Variants in GPC6 observed in about 807,000 individuals in gnomAD.
The protein encoded by GPC6 is glypican-6.
Under a neutral mutation model 55.2 loss-of-function variants are expected in GPC6, and 14 were observed. The ratio of observed to expected loss-of-function variants is 0.25; its 90% confidence interval spans 0.17 to 0.40. The LOEUF (loss-of-function observed/expected upper bound fraction) is 0.40, where lower values mean the gene tolerates loss of function less well. GPC6 is among the 10% of genes least tolerant of loss of function. GPC6 has a pLI of 1.00. For missense variants in GPC6, 641 were observed against 708.5 expected (o/e 0.90, Z 1.08); for synonymous variants, 278 against 259.6 (o/e 1.07, Z -0.68).
Position 94,159,527 on chromosome 13 carries a change from C to T in GPC6, c.878-126822C>T, listed in dbSNP as rs530921903. ...GAGACTTAATTTACTACCACGAGAACGGTTTGGAGGAAACTGCCCTCATGA... is the reference window on the plus strand; with the variant it reads ...GAGACTTAATTTACTACCACGAGAATGGTTTGGAGGAAACTGCCCTCATGA... On this transcript the variant is annotated intron_variant, in intron 4 of 8. Transcript: ENST00000377047. Among the ~76,000 whole-genome samples the T allele has an allele frequency of 2.6e-5, 4 of 152,148 alleles. No homozygotes were observed. The South Asian group carries it at 6.2e-4, about 24-fold the overall frequency.
At chr13:93,857,049 A>G (rs1042339596) in intron 3 of GPC6, among the ~76,000 whole-genome samples, 4 of 151,678 alleles carry the variant, frequency 2.6e-5, no homozygotes, top group Non-Finnish European at 5.9e-5. Flanking sequence ...TTACAGCCAC[A>G]TATCACTTAT....
intron 4 of GPC6, among the ~76,000 whole-genome samples, chr13:94,159,528 G>A (rs72645973): frequency 0.2 from 30,363 of 151,866 alleles, 3,270 homozygotes; most frequent in South Asian, 0.27. Flanking sequence ...CCACGAGAAC[G>A]GTTTGGAGGA....
intron 1 of GPC6, among the ~76,000 whole-genome samples, chr13:93,342,674 T>C (rs1880300107): frequency 6.6e-6 from 1 of 152,116 alleles, no homozygotes; most frequent in Non-Finnish European, 1.5e-5. Flanking sequence ...AGTATAGTGA[T>C]AACAGTCGTG....
At chr13:93,223,555 T>C (rs9556271), upstream of GPC6, among the ~76,000 whole-genome samples, 29,250 of 152,048 alleles carry the variant, frequency 0.19, 2,911 homozygotes, top group East Asian at 0.31. Flanking sequence ...AGGATTCTCC[T>C]GCTTTAGCCT....
Position 94,058,597 on chromosome 13 carries a change from T to C in GPC6, c.877+30703T>C, listed in dbSNP as rs548215630. 2.0e-4 allele frequency among the ~76,000 whole-genome samples: 30 copies of C among 152,250 alleles called. 1 individual carries two copies. In the South Asian group the frequency reaches 6.2e-3, roughly 32 times the overall value. On this transcript the variant is annotated intron_variant, in intron 4 of 8. Transcript: ENST00000377047. Reference sequence around the variant, plus strand: ...TGGACGAACTACATTTACTAGCAAATAGGAATAAAACCATCAAAGCCTGTT... The same window carrying C: ...TGGACGAACTACATTTACTAGCAAACAGGAATAAAACCATCAAAGCCTGTT...
At chr13:94,393,736 G>A (rs970407118) in intron 7 of GPC6, among the ~76,000 whole-genome samples, 6 of 152,048 alleles carry the variant, frequency 3.9e-5, no homozygotes, top group Admixed American at 2.0e-4. Context: ...TTCCTTGCTA[G>A]TGCCTCACTT....
chr13:94,066,358 G>T (rs1483285080), intron 4 of GPC6, among the ~76,000 whole-genome samples: 3 of 151,906 alleles, frequency 2.0e-5, no homozygotes, highest in Non-Finnish European at 2.9e-5. Context: ...TTTCATGATT[G>T]TTCTACTTTC....
chr13:93,867,374 T>C (rs1888999194), intron 3 of GPC6, among the ~76,000 whole-genome samples: 1 of 151,758 alleles, frequency 6.6e-6, no homozygotes, highest in Non-Finnish European at 1.5e-5. Flanking sequence ...GAGTTGGACG[T>C]TGGACTTTGC....
chr13:93,935,297 A>G (rs566515134), intron 3 of GPC6, among the ~76,000 whole-genome samples: 24 of 152,208 alleles, frequency 1.6e-4, no homozygotes, highest in African/African-American at 5.8e-4. Context: ...CCCATTGTCT[A>G]TTATTTCCAT....
chr13:94,120,177 C>T (rs1024621648), intron 4 of GPC6, among the ~76,000 whole-genome samples: 3 of 152,042 alleles, frequency 2.0e-5, no homozygotes, highest in Non-Finnish European at 2.9e-5. Context: ...CACTGGATTT[C>T]CTCGGAGTGA....
At chr13:93,922,705 G>A (rs940261104) in intron 3 of GPC6, among the ~76,000 whole-genome samples, 1 of 152,116 alleles carries the variant, frequency 6.6e-6, no homozygotes, top group Non-Finnish European at 1.5e-5. Context: ...TATAATTTTT[G>A]TAAAGCTGTG....
At chr13:93,632,547 C>CTG in intron 2 of GPC6, among the ~76,000 whole-genome samples, 4 of 125,536 alleles carry the variant, frequency 3.2e-5, no homozygotes, top group Non-Finnish European at 3.7e-5. Context: ...TATGTTGAGA[C>CTG]CACTGCACTC....
chr13:93,765,308 T>TTCAAGATAAGCTGTCTGGAAAG, intron 2 of GPC6, among the ~76,000 whole-genome samples: 1 of 148,686 alleles, frequency 6.7e-6, no homozygotes, highest in Non-Finnish European at 1.5e-5. Context: ...AAAGACAACT[T>TTCAAGATAAGCTGTCTGGAAAG]ATTTGGTTTA....
intron 2 of GPC6, among the ~76,000 whole-genome samples, chr13:93,669,080 A>G (rs1247761754): frequency 6.6e-6 from 1 of 152,202 alleles, no homozygotes; most frequent in Non-Finnish European, 1.5e-5. Flanking sequence ...TGCCTGAACA[A>G]TCACCATTTT....
intron 1 of GPC6, among the ~76,000 whole-genome samples, chr13:93,292,204 G>A (rs1878340830): frequency 1.3e-5 from 2 of 152,140 alleles, no homozygotes; most frequent in African/African-American, 2.4e-5. Flanking sequence ...ATTTTATGAA[G>A]AGGGTGGAAA....
At chr13:93,938,342 A>C (rs574172020) in intron 3 of GPC6, among the ~76,000 whole-genome samples, 1 of 152,304 alleles carries the variant, frequency 6.6e-6, no homozygotes, top group East Asian at 1.9e-4. Context: ...TTTGATTTCA[A>C]TTTAATTTGA....
chr13:93,312,034 C>T (rs577164670), intron 1 of GPC6, among the ~76,000 whole-genome samples: 23 of 152,140 alleles, frequency 1.5e-4, no homozygotes, highest in Admixed American at 5.9e-4. Context: ...ATAAACAACT[C>T]ATTAGGAAAG....
chr13:94,347,682 TACTC>T (rs1878358490), intron 6 of GPC6, among the ~76,000 whole-genome samples: 1 of 152,258 alleles, frequency 6.6e-6, no homozygotes, highest in African/African-American at 2.4e-5. Context: ...TTGTTTTCCT[TACTC>T]ACTATGATTT....
At chr13:93,501,070 A>G (rs1594216727) in intron 1 of GPC6, among the ~76,000 whole-genome samples, 2 of 152,244 alleles carry the variant, frequency 1.3e-5, no homozygotes, top group African/African-American at 4.8e-5. Context: ...AATATTTGTA[A>G]ATTTTCCACC....
Sources: gnomAD v4.1 joint callset for allele counts (sites outside exome capture counted in the v4.1 genomes callset) on GRCh38, gnomAD v4.1.1 for gene constraint, MANE v1.5 for transcripts, NCBI Gene and HGNC (gene_info 2026-07-23, HGNC 2026-07-21) for gene names.